KCNK5: variants seen among roughly 807,000 people sequenced by gnomAD.
KCNK5 encodes potassium two pore domain channel subfamily K member 5.
A neutral mutation model predicts 32.9 loss-of-function variants in KCNK5; 18 were observed. That is an observed-to-expected ratio of 0.55 (90% CI 0.38 to 0.81). The LOEUF (loss-of-function observed/expected upper bound fraction) is 0.81. Among genes scored for constraint, KCNK5 ranks in the 30% least tolerant of loss-of-function variants. The pLI is 0.00. For missense variants in KCNK5, 507 were observed against 651.0 expected (o/e 0.78, Z 2.41); for synonymous variants, 276 against 275.3 (o/e 1.00, Z -0.03).
chr6:39,195,267 G>A (rs1424031822), intron 2 of KCNK5, among the ~76,000 whole-genome samples: 1 of 152,210 alleles, frequency 6.6e-6, no homozygotes, highest in African/African-American at 2.4e-5. Context: ...GCTGCTTTTC[G>A]CCTTGGTTCC....
rs1296436767 is a variant in KCNK5 at position 39,229,405 on chromosome 6, G to A, written c.-294C>T. ...TGCGTAAGGAGCGGGAAGAACACAG[G>A]ACTTGACTCTGGGCAGACACGTGGG... On this transcript the variant is annotated 5_prime_UTR_variant, in exon 1 of 5. Coordinates refer to ENST00000359534, the MANE Select transcript of KCNK5 (RefSeq NM_003740.4). The A allele has an allele frequency of 5.3e-5, 24 of 452,350 alleles. No individual in the cohort carries two copies. The highest frequency in any genetic ancestry group is 4.9e-4 in the South Asian group (21 of 42,582). The allele number at this position is 452,350 out of a possible 1,614,324, so 28.0% of individuals were successfully genotyped here.
rs138845368 is a variant in KCNK5, at chr6:39,211,733, G to A, written c.187-15746C>T. On this transcript the variant is annotated intron_variant, in intron 1 of 4. Transcript: ENST00000359534. ...AATCCCAGCACTTTGGGAGGCCAAC[G>A]TGGGTAGATCACATGAGGTCAGGAG... Among the ~76,000 whole-genome samples the A allele has an allele frequency of 7.7e-3, 1,176 of 152,286 alleles. 22 individuals are homozygous for A. The highest frequency in any genetic ancestry group is 0.027 in the African/African-American group (1,104 of 41,554).
chr6:39,209,821 C>T (rs1471601447), intron 1 of KCNK5, among the ~76,000 whole-genome samples: 1 of 152,212 alleles, frequency 6.6e-6, no homozygotes, highest in Non-Finnish European at 1.5e-5. Flanking sequence ...ACAGATGAGC[C>T]TGTATAGCAT....
At chr6:39,228,042 C>T (rs1182235929) in intron 1 of KCNK5, among the ~76,000 whole-genome samples, 2 of 152,032 alleles carry the variant, frequency 1.3e-5, no homozygotes, top group Non-Finnish European at 2.9e-5. Context: ...TAGAGGGCCT[C>T]GGTCCCCAAA....
At chr6:39,228,439 G>T (rs1771711072) in intron 1 of KCNK5, among the ~76,000 whole-genome samples, 1 of 152,088 alleles carries the variant, frequency 6.6e-6, no homozygotes, top group African/African-American at 2.4e-5. Flanking sequence ...GGCTCGGGCT[G>T]AGGGACCCTC....
intron 1 of KCNK5, among the ~76,000 whole-genome samples, chr6:39,198,552 G>A (rs750940334): frequency 6.6e-6 from 1 of 152,186 alleles, no homozygotes; most frequent in African/African-American, 2.4e-5. Flanking sequence ...ACTTTGGATT[G>A]GAAAAGACTG....
chr6:39,211,925 T>C (rs993701384), intron 1 of KCNK5, among the ~76,000 whole-genome samples: 1 of 151,648 alleles, frequency 6.6e-6, no homozygotes, highest in African/African-American at 2.4e-5. Context: ...GATCGTACCA[T>C]TGCATTCCAG....
Position 39,223,175 on chromosome 6 carries a change from A to G in KCNK5, c.186+5751T>C, listed in dbSNP as rs1041406949. On this transcript the variant is annotated intron_variant, in intron 1 of 4. Transcript: ENST00000359534. ...CATAGGAATATCTGGGCATAGCAGA[A>G]ATGGCAGCTAACACTTAGTGAGCAT... Among the ~76,000 whole-genome samples, 3 of 152,182 alleles carry G rather than the reference A, an allele frequency of 2.0e-5. No individual in the cohort carries two copies. In the East Asian group the frequency reaches 5.8e-4, roughly 29 times the overall value.
chr6:39,228,688 A>T (rs1307386815), intron 1 of KCNK5, among the ~76,000 whole-genome samples: 1 of 152,044 alleles, frequency 6.6e-6, no homozygotes. Context: ...ATCAACTCCA[A>T]TTTGTCTCCG....
intron 4 of KCNK5, among the ~76,000 whole-genome samples, chr6:39,192,169 G>A (rs962967501): frequency 2.9e-4 from 44 of 150,042 alleles, no homozygotes; most frequent in Admixed American, 2.0e-3. Flanking sequence ...TGGCGGGCCA[G>A]CTACTCAGGA....
chr6:39,199,782 C>G (rs980973878), intron 1 of KCNK5, among the ~76,000 whole-genome samples: 4 of 152,216 alleles, frequency 2.6e-5, no homozygotes, highest in Admixed American at 2.6e-4. Flanking sequence ...CACCCAAGTG[C>G]TGGTGGAGAG....
At chr6:39,225,803 A>C (rs1771661934) in intron 1 of KCNK5, among the ~76,000 whole-genome samples, 1 of 152,132 alleles carries the variant, frequency 6.6e-6, no homozygotes, top group African/African-American at 2.4e-5. Context: ...CTGCCTGGTC[A>C]TTGCCCCTCC....
In KCNK5 at chr6:39,194,312, A is replaced by C. The variant is rs201966003; in HGVS notation, c.491T>G (p.Val164Gly). 17 of 1,612,370 alleles carry C rather than the reference A, an allele frequency of 1.1e-5. No individual in the cohort carries two copies. The highest frequency in any genetic ancestry group is 1.4e-5 in the Non-Finnish European group (16 of 1,178,870). Residue 164 changes from valine (V) to glycine (G), a missense_variant, in exon 4 of 5, where the codon GTC becomes GGC. Coordinates refer to ENST00000359534, the MANE Select transcript of KCNK5 (RefSeq NM_003740.4). This position sits in a 1 kb window ranked among gnomAD's most constrained non-coding sequence, Gnocchi z 4.7. ...TAGGACGCCCCACACGATGAAGATGACTGTGCACGTGATCTGCGCCTTCCG... is the reference window on the plus strand; with the variant it reads ...TAGGACGCCCCACACGATGAAGATGCCTGTGCACGTGATCTGCGCCTTCCG... ...SLRKAQITCT[V>G]IFIVWGVLVH... is the part of the protein sequence containing the mutation.
chr6:39,209,004 G>A lies in KCNK5; in HGVS notation c.187-13017C>T, dbSNP rs145077977. 3.7e-3 allele frequency among the ~76,000 whole-genome samples: 570 copies of A among 152,224 alleles called. 3 individuals are homozygous for A. The highest frequency in any genetic ancestry group is 6.1e-3 in the Non-Finnish European group (418 of 67,994). ...ACTCAGGAGGCTGAAGCAGGGAGAA[G>A]TGCTGGAACCCGGGAGATGGAGGTT... On this transcript the variant is annotated intron_variant, in intron 1 of 4. Coordinates refer to ENST00000359534, the MANE Select transcript of KCNK5 (RefSeq NM_003740.4).
intron 1 of KCNK5, among the ~76,000 whole-genome samples, chr6:39,214,719 G>A (rs1044323708): frequency 3.3e-5 from 5 of 152,106 alleles, no homozygotes; most frequent in Non-Finnish European, 4.4e-5. Context: ...CCTCTGACAC[G>A]GGGCAGGGGA....
intron 1 of KCNK5, among the ~76,000 whole-genome samples, chr6:39,218,788 G>C (rs1039196130): frequency 2.6e-5 from 4 of 152,176 alleles, no homozygotes; most frequent in Admixed American, 2.0e-4. Flanking sequence ...GGTGCCCCCA[G>C]CTAGGGAACT....
intron 1 of KCNK5, among the ~76,000 whole-genome samples, chr6:39,197,485 G>A (rs984321490): frequency 6.6e-6 from 1 of 152,188 alleles, no homozygotes; most frequent in Non-Finnish European, 1.5e-5. Flanking sequence ...GGGGACCATC[G>A]CATCAAACTC....
At chr6:39,225,187 G>A (rs779985100) in intron 1 of KCNK5, among the ~76,000 whole-genome samples, 7 of 152,244 alleles carry the variant, frequency 4.6e-5, no homozygotes, top group South Asian at 2.1e-4. Context: ...AGCTCGGAGT[G>A]TAGCCTAATT....
chr6:39,200,530 C>A (rs193097564), intron 1 of KCNK5, among the ~76,000 whole-genome samples: 13 of 152,138 alleles, frequency 8.5e-5, no homozygotes, highest in Non-Finnish European at 1.3e-4. Context: ...AACAGTGAAG[C>A]CAAGACTAGA....
Sources: allele counts gnomAD v4.1 joint callset (sites outside exome capture counted in the v4.1 genomes callset), GRCh38; gene constraint gnomAD v4.1.1; non-coding constraint Gnocchi (gnomAD v3.1); transcripts MANE v1.5; gene names NCBI Gene and HGNC (gene_info 2026-07-23, HGNC 2026-07-21).